The following AOAH variants were observed in gnomAD, a reference collection of about 807,000 sequenced individuals.
AOAH encodes the protein acyloxyacyl hydrolase, also known as acyloxyacyl hydrolase (neutrophil).
AOAH carries 64 observed loss-of-function variants against 92.2 expected under a neutral mutation model. The ratio of observed to expected loss-of-function variants is 0.69; its 90% CI spans 0.57 to 0.86. The LOEUF is 0.86. AOAH is among the 40% of genes least tolerant of loss of function. The probability of loss-of-function intolerance (pLI) is 0.00; values close to 1 mark genes in which losing one functional copy is unlikely to be tolerated. For synonymous variants in AOAH, 263 were observed against 254.5 expected, an observed-to-expected ratio of 1.03 and a Z score of -0.32; for missense variants, 656 against 694.6, an observed-to-expected ratio of 0.94 and a Z score of 0.62.
rs146218103 is a variant in AOAH at position 36,672,329 on chromosome 7, C to T, written c.290+1614G>A. ...ACATCTCTGCTGTAAGGCTAATGGC[C>T]CCTTGAAGAGGAATCATGTAAGGAT... On this transcript the variant is annotated intron_variant, in intron 3 of 20. Coordinates refer to ENST00000617537, the MANE Select transcript of AOAH (RefSeq NM_001637.4). 1.7e-4 allele frequency among the ~76,000 whole-genome samples: 26 copies of T among 152,256 alleles called. 1 individual carries two copies. Among genetic ancestry groups the T allele is most frequent in the Middle Eastern group, 3.4e-3 (1 of 294 alleles).
intron 11 of AOAH, among the ~76,000 whole-genome samples, chr7:36,603,662 T>G (rs1465486302): frequency 6.6e-6 from 1 of 152,178 alleles, no homozygotes; most frequent in Non-Finnish European, 1.5e-5. Context: ...TGAACGGGCA[T>G]CGCTGTGTTC....
At chr7:36,626,776 TTGTTTGTTTTTG>T (rs1313448573) in intron 6 of AOAH, among the ~76,000 whole-genome samples, 1 of 151,802 alleles carries the variant, frequency 6.6e-6, no homozygotes, top group Non-Finnish European at 1.5e-5. Flanking sequence ...GGCTTCTTGT[TTGTTTGTTTTTG>T]TGTTTGTTTT....
At chr7:36,696,736 T>C (rs1797735715) in intron 1 of AOAH, among the ~76,000 whole-genome samples, 1 of 151,980 alleles carries the variant, frequency 6.6e-6, no homozygotes, top group African/African-American at 2.4e-5. Flanking sequence ...GGTGCATGCC[T>C]GTAATCCCAG....
intron 4 of AOAH, among the ~76,000 whole-genome samples, chr7:36,655,916 G>T (rs1397305674): frequency 6.6e-6 from 1 of 152,134 alleles, no homozygotes; most frequent in Non-Finnish European, 1.5e-5. Flanking sequence ...GGAATATACA[G>T]GAGCTATGAT....
rs1789955360 is a variant in AOAH at position 36,594,377 on chromosome 7, T to C, written c.900A>G (p.Gln300=). The stretch of plus-strand genomic sequence containing the variant: ...CCAGAAATCCTGTAGCACCAGAGAG[T>C]TGGGGCCAGTCAAGCTCGTTGGTAA... ...TALTNELDWP[Q]LSGATGFLDS... is the part of the protein sequence containing the mutation. The change falls in exon 12 of 21, where the codon CAA becomes CAG. Residue 300 remains glutamine, a synonymous_variant. Coordinates refer to ENST00000617537, the MANE Select transcript of AOAH (RefSeq NM_001637.4). 5.6e-6 allele frequency: 9 copies of C among 1,614,042 alleles called. No individual in the cohort carries two copies. Among genetic ancestry groups the C allele is most frequent in the South Asian group, 4.4e-5 (4 of 91,070 alleles).
chr7:36,631,829 A>C (rs548907268), intron 6 of AOAH, among the ~76,000 whole-genome samples: 1 of 152,286 alleles, frequency 6.6e-6, no homozygotes, highest in South Asian at 2.1e-4. Context: ...TTGAGATGCA[A>C]AGATGCTGGC....
chr7:36,541,382 A>C (rs577980532), intron 15 of AOAH, among the ~76,000 whole-genome samples: 19 of 152,384 alleles, frequency 1.2e-4, no homozygotes, highest in Non-Finnish European at 2.6e-4. Context: ...CACAGGCCTA[A>C]AATCAAAGCA....
intron 11 of AOAH, among the ~76,000 whole-genome samples, chr7:36,608,828 C>T (rs1791187987): frequency 1.3e-5 from 2 of 150,004 alleles, no homozygotes; most frequent in South Asian, 2.1e-4. Flanking sequence ...GGGAGCAATC[C>T]CTCTTCTCTC....
chr7:36,596,572 G>T (rs935633363), intron 11 of AOAH, among the ~76,000 whole-genome samples: 3 of 152,144 alleles, frequency 2.0e-5, no homozygotes, highest in Admixed American at 2.0e-4. Context: ...GAAGACACAG[G>T]GGGAAGGCCG....
At chr7:36,603,104 T>C (rs1790724888) in intron 11 of AOAH, among the ~76,000 whole-genome samples, 2 of 152,162 alleles carry the variant, frequency 1.3e-5, no homozygotes, top group African/African-American at 2.4e-5. Flanking sequence ...CAGATCCTGA[T>C]TGGGTAGGTT....
At chr7:36,585,048 A>AT (rs1280091077) in intron 12 of AOAH, among the ~76,000 whole-genome samples, 1 of 152,138 alleles carries the variant, frequency 6.6e-6, no homozygotes, top group Admixed American at 6.6e-5. Context: ...AACAGGTATT[A>AT]TAAGTGAGGT....
At chr7:36,626,424 G>A (rs75751494) in intron 6 of AOAH, among the ~76,000 whole-genome samples, 4,149 of 152,266 alleles carry the variant, frequency 0.027, 123 homozygotes, top group African/African-American at 0.075. Flanking sequence ...CAAGTGACTG[G>A]CCAAAGCCAT....
In AOAH at chr7:36,549,419, ACTT is replaced by A. The variant is rs751827146; in HGVS notation, c.1058+17_1058+19del. The A allele has an allele frequency of 2.4e-5, 38 of 1,578,104 alleles. No individual in the cohort carries two copies. Among genetic ancestry groups the A allele is most frequent in the Admixed American group, 6.8e-5 (4 of 58,778 alleles). On this transcript the variant is annotated intron_variant, in intron 14 of 20. Coordinates refer to ENST00000617537, the MANE Select transcript of AOAH (RefSeq NM_001637.4). ...AAAATGAGAAACCAAATTAAAAACA[ACTT>A]CTTATCTTCTGCTTACCTTTCTATA...
chr7:36,580,159 T>C (rs1161775067), intron 12 of AOAH, among the ~76,000 whole-genome samples: 4 of 152,204 alleles, frequency 2.6e-5, no homozygotes, highest in Non-Finnish European at 5.9e-5. Flanking sequence ...TTTTGAGAGA[T>C]GTCCTTAAAT....
chr7:36,700,502 T>G (rs1035392752), intron 1 of AOAH, among the ~76,000 whole-genome samples: 1 of 152,138 alleles, frequency 6.6e-6, no homozygotes, highest in African/African-American at 2.4e-5. Flanking sequence ...AGACATGATT[T>G]CATTCTTTTT....
chr7:36,698,396 A>G (rs1199963627), intron 1 of AOAH, among the ~76,000 whole-genome samples: 1 of 151,810 alleles, frequency 6.6e-6, no homozygotes, highest in Non-Finnish European at 1.5e-5. Flanking sequence ...GGTTTCATCG[A>G]TTCTCTCTAT....
intron 4 of AOAH, among the ~76,000 whole-genome samples, chr7:36,644,468 C>G (rs1794105927): frequency 6.6e-6 from 1 of 152,136 alleles, no homozygotes; most frequent in Admixed American, 6.5e-5. Context: ...TGTGCATTTC[C>G]TAAACATTCA....
chr7:36,529,030 G>A (rs1267447323), intron 19 of AOAH, among the ~76,000 whole-genome samples: 1 of 152,178 alleles, frequency 6.6e-6, no homozygotes, highest in Non-Finnish European at 1.5e-5. Flanking sequence ...TAGCAAGGGT[G>A]TAAGGAAATG....
At chr7:36,709,061 G>T (rs746671195) in intron 1 of AOAH, among the ~76,000 whole-genome samples, 1 of 151,990 alleles carries the variant, frequency 6.6e-6, no homozygotes, top group Non-Finnish European at 1.5e-5. Context: ...AATCAACTAG[G>T]GATATGTAGA....
Sources: gnomAD v4.1 joint callset for allele counts (sites outside exome capture counted in the v4.1 genomes callset) on GRCh38, gnomAD v4.1.1 for gene constraint, MANE v1.5 for transcripts, NCBI Gene and HGNC (gene_info 2026-07-23, HGNC 2026-07-21) for gene names.